ACSS2: variants seen among roughly 807,000 people sequenced by gnomAD.
ACSS2 encodes the protein acetyl-coenzyme A synthetase, cytoplasmic.
In ACSS2, 58 loss-of-function variants were observed where a neutral mutation model predicts 90.6. The observed-to-expected ratio is 0.64, with a 90% CI of 0.52 to 0.80. ACSS2 has a LOEUF of 0.80. Among genes scored for constraint, ACSS2 ranks in the 30% least tolerant of loss-of-function variants. The probability of loss-of-function intolerance (pLI) is 0.00; values close to 1 mark genes in which losing one functional copy is unlikely to be tolerated. For missense variants in ACSS2, 759 were observed against 912.0 expected (o/e 0.83, Z 2.16); for synonymous variants, 300 against 330.9 (o/e 0.91, Z 1.01).
At chr20:34,908,175 G>T (rs2080855663) in intron 2 of ACSS2, among the ~76,000 whole-genome samples, 1 of 152,206 alleles carries the variant, frequency 6.6e-6, no homozygotes, top group Admixed American at 6.5e-5. Context: ...AAGGAGGAGG[G>T]AGAATATTCT....
chr20:34,920,485 G>A, intron 8 of ACSS2, 54 bp from the exon 9 acceptor site: 1 of 1,555,934 alleles, frequency 6.4e-7, no homozygotes, highest in South Asian at 1.2e-5. Context: ...CCTCCATTTG[G>A]TGGTCAGTAG....
At chr20:34,916,801 G>A (rs1165458022) in intron 7 of ACSS2, among the ~76,000 whole-genome samples, 1 of 152,160 alleles carries the variant, frequency 6.6e-6, no homozygotes, top group Non-Finnish European at 1.5e-5. Flanking sequence ...AGGGTTTGCA[G>A]GGACCCTCCT....
At chr20:34,926,838 AG>A (rs1405613825) in intron 16 of ACSS2, 38 bp from the exon 17 acceptor site, 1 of 1,609,328 alleles carries the variant, frequency 6.2e-7, no homozygotes, top group Non-Finnish European at 8.5e-7. Flanking sequence ...AGTCTGGCTA[AG>A]GGTGCTGAAG....
At chr20:34,879,533 A>ACC (rs11167247) in intron 1 of ACSS2, among the ~76,000 whole-genome samples, 1 of 149,352 alleles carries the variant, frequency 6.7e-6, no homozygotes, top group Non-Finnish European at 1.5e-5. Flanking sequence ...ACACACCCCT[A>ACC]CCCCCCCCAA....
intron 1 of ACSS2, among the ~76,000 whole-genome samples, chr20:34,877,940 A>ATAGATAGATAGATAGT (rs958596109): frequency 2.0e-5 from 3 of 148,576 alleles, no homozygotes; most frequent in African/African-American, 7.7e-5. Flanking sequence ...AGATAGATAG[A>ATAGATAGATAGATAGT]TAGTTTGTTT....
chr20:34,876,609 ACCGCAAAGGCGG>A, exon 1 of ACSS2: 1 of 1,283,878 alleles, frequency 7.8e-7, no homozygotes, highest in Middle Eastern at 2.7e-4. Context: ...ACCCGCCGCG[ACCGCAAAGGCGG>A]CCGCGGTTCT....
chr20:34,876,638 T>C lies in ACSS2; in HGVS notation c.-8T>C. On this transcript the variant is annotated 5_prime_UTR_variant, in exon 1 of 18. Coordinates refer to ENST00000360596, the MANE Select transcript of ACSS2 (RefSeq NM_018677.4). ...CAAAGGCGGCCGCGGTTCTAGGAAC[T>C]TGACGTGATGGGGCTTCCTGAGGAG... 1 of 1,357,070 alleles carries C rather than the reference T, an allele frequency of 7.4e-7. No homozygotes were observed. The highest frequency in any genetic ancestry group is 3.1e-5 in the East Asian group (1 of 32,734). The allele number at this position is 1,357,070 out of a possible 1,614,324, so 84.1% of individuals were successfully genotyped here. A position where few individuals can be genotyped will look rare whatever the true frequency, so the allele number is the denominator to read the frequency against.
chr20:34,899,580 C>T (rs1243712494), intron 2 of ACSS2, among the ~76,000 whole-genome samples: 1 of 151,606 alleles, frequency 6.6e-6, no homozygotes, highest in African/African-American at 2.4e-5. Flanking sequence ...ACCTCCGCCT[C>T]CCGGGTTCAA....
intron 2 of ACSS2, among the ~76,000 whole-genome samples, chr20:34,888,391 C>T (rs2080251394): frequency 6.6e-6 from 1 of 152,096 alleles, no homozygotes; most frequent in Non-Finnish European, 1.5e-5. Context: ...ATGTCAAATT[C>T]CTGGCACATT....
intron 7 of ACSS2, among the ~76,000 whole-genome samples, chr20:34,918,049 G>A (rs767697485): frequency 1.3e-5 from 2 of 152,056 alleles, no homozygotes; most frequent in Admixed American, 6.6e-5. Context: ...GAGCCACCGC[G>A]CCCAGCCCCA....
At chr20:34,918,391 A>C (rs2081122148) in intron 7 of ACSS2, among the ~76,000 whole-genome samples, 1 of 152,230 alleles carries the variant, frequency 6.6e-6, no homozygotes, top group African/African-American at 2.4e-5. Flanking sequence ...GTAGACTCAA[A>C]ATTGGTGTTC....
chr20:34,899,019 G>C (rs1171208154), intron 2 of ACSS2, among the ~76,000 whole-genome samples: 1 of 152,230 alleles, frequency 6.6e-6, no homozygotes, highest in Non-Finnish European at 1.5e-5. Context: ...GGGGTACCCA[G>C]TACACCCTCC....
intron 15 of ACSS2, 131 bp from the exon 16 acceptor site, chr20:34,925,974 A>T (rs2081310105): frequency 3.8e-6 from 4 of 1,059,494 alleles, no homozygotes; most frequent in Non-Finnish European, 5.6e-6. Context: ...GACTGAAAGC[A>T]TGTCATCTGA....
chr20:34,919,398 T>G, intron 7 of ACSS2, 37 bp from the exon 8 acceptor site: 1 of 1,612,272 alleles, frequency 6.2e-7, no homozygotes, highest in Non-Finnish European at 8.5e-7. Context: ...GTCCCCATCT[T>G]GAGCTGTTCA....
At chr20:34,900,074 T>C (rs1012490184) in intron 2 of ACSS2, among the ~76,000 whole-genome samples, 2 of 152,164 alleles carry the variant, frequency 1.3e-5, no homozygotes, top group African/African-American at 4.8e-5. Context: ...CAGCACTTGT[T>C]ACTGTCTGTT....
chr20:34,890,556 G>C lies in ACSS2; in HGVS notation c.374+7567G>C, dbSNP rs185267992. Among the ~76,000 whole-genome samples, 128 of 152,236 alleles carry C rather than the reference G, an allele frequency of 8.4e-4. 1 individual carries two copies. The highest frequency in any genetic ancestry group is 1.5e-3 in the Non-Finnish European group (102 of 68,004). On this transcript the variant is annotated intron_variant, in intron 2 of 17. Coordinates refer to ENST00000360596, the MANE Select transcript of ACSS2 (RefSeq NM_018677.4). The stretch of plus-strand genomic sequence containing the variant: ...GGTTTATAAGGAGAGGGTGGAAAGA[G>C]TGGTTGATGGCTGATATTCTGATCA...
intron 2 of ACSS2, among the ~76,000 whole-genome samples, chr20:34,899,566 T>G (rs2080593285): frequency 6.6e-6 from 1 of 151,570 alleles, no homozygotes; most frequent in African/African-American, 2.4e-5. Context: ...CTCGGCTCAC[T>G]GCAACCTCCG....
chr20:34,916,849 C>G (rs1038821366), intron 7 of ACSS2, among the ~76,000 whole-genome samples: 3 of 152,212 alleles, frequency 2.0e-5, no homozygotes, highest in African/African-American at 7.2e-5. Flanking sequence ...TATTCCTCTC[C>G]CGTACATGGC....
chr20:34,914,032 G>T, intron 5 of ACSS2, 64 bp from the exon 6 acceptor site: 1 of 1,564,122 alleles, frequency 6.4e-7, no homozygotes, highest in Non-Finnish European at 8.8e-7. Context: ...GGGCCCTATG[G>T]ACATTGTGCC....
Sources: gnomAD v4.1 joint callset for allele counts (sites outside exome capture counted in the v4.1 genomes callset) on GRCh38, gnomAD v4.1.1 for gene constraint, MANE v1.5 for transcripts, NCBI Gene and HGNC (gene_info 2026-07-23, HGNC 2026-07-21) for gene names.